ASDURF: variants seen among roughly 807,000 people sequenced by gnomAD.
ASDURF encodes the protein ASNSD1 upstream open reading frame.
A neutral mutation model predicts 3.3 loss-of-function variants in ASDURF; 3 were observed. That is an observed-to-expected ratio of 0.92 (90% CI 0.42 to 2.37). The LOEUF (loss-of-function observed/expected upper bound fraction) is 2.37. ASDURF is among the 30% of genes most tolerant of loss of function. The pLI, the probability that ASDURF is intolerant of heterozygous loss-of-function variation, is 0.05. For synonymous variants in ASDURF, 11 were observed against 8.3 expected, an observed-to-expected ratio of 1.32 and a Z score of -0.55; for missense variants, 23 against 25.4, an observed-to-expected ratio of 0.90 and a Z score of 0.21.
chr2:189,662,850 A>G (rs1369914022), intron 1 of ASDURF, among the ~76,000 whole-genome samples: 1 of 151,070 alleles, frequency 6.6e-6, no homozygotes, highest in African/African-American at 2.4e-5. Flanking sequence ...TCGGAGGCTA[A>G]GGTGTGAGAA....
intron 3 of ASDURF, among the ~76,000 whole-genome samples, 173 bp downstream of exon 3, chr2:189,665,624 A>G (rs759037407): frequency 0.026 from 3,130 of 121,724 alleles, 138 homozygotes; most frequent in Non-Finnish European, 0.041. Context: ...ATATATATAT[A>G]TATATATATA....
Position 189,661,533 on chromosome 2 carries a change from G to T in ASDURF, c.13G>T (p.Gly5Trp). The T allele has an allele frequency of 2.5e-6, 1 of 399,266 alleles. No homozygotes were observed. The highest frequency in any genetic ancestry group is 4.4e-6 in the Non-Finnish European group (1 of 226,246). The allele number at this position is 399,266 out of a possible 1,614,324, so 24.7% of individuals were successfully genotyped here. The part of the protein sequence containing the change: MPSR[G>W]TRPEDSSVLI... ...GCGCTCGGTGGAAATGCCCAGCCGA[G>T]GGACGCGACCAGAGGACAGCTCTGT... The change falls in exon 1 of 4, where the codon GGG becomes TGG. Residue 5 changes from glycine (G) to tryptophan (W), a missense_variant. Transcript: ENST00000607829.
Position 189,666,154 on chromosome 2 carries a change from G to A in ASDURF, c.*43G>A, listed in dbSNP as rs745531089. The A allele has an allele frequency of 6.3e-7, 1 of 1,582,500 alleles. No homozygotes were observed. The highest frequency in any genetic ancestry group is 8.6e-7 in the Non-Finnish European group (1 of 1,165,800). On this transcript the variant is annotated 3_prime_UTR_variant, in exon 4 of 4. Transcript: ENST00000607829. ...AACAATGTGTGGCATTTGTTGTTCT[G>A]TAAACTTTTCTGCTGAGCATTTCAG... is the stretch of plus-strand genomic sequence containing the variant.
intron 2 of ASDURF, 135 bp downstream of exon 2, chr2:189,664,089 T>C: frequency 3.0e-6 from 1 of 328,760 alleles, no homozygotes; most frequent in Non-Finnish European, 5.5e-6. Context: ...TCTTTTAAAA[T>C]TGCAAGTGTC....
intron 1 of ASDURF, among the ~76,000 whole-genome samples, chr2:189,662,166 A>G (rs945784108): frequency 1.3e-4 from 20 of 152,356 alleles, no homozygotes; most frequent in African/African-American, 3.8e-4. Context: ...TCCGTTAACC[A>G]GAGCAATGGT....
In ASDURF at chr2:189,666,338, G is replaced by A. The variant is rs779791970; in HGVS notation, c.*227G>A. ...ACTACCCAGCCTGTGGAAGATGAAAGAGGCAATGTGTTTCTATGGAATGGA... is the reference window on the plus strand; with the variant it reads ...ACTACCCAGCCTGTGGAAGATGAAAAAGGCAATGTGTTTCTATGGAATGGA... On this transcript the variant is annotated 3_prime_UTR_variant, in exon 4 of 4. Transcript: ENST00000607829. 8 of 1,613,694 alleles carry A rather than the reference G, an allele frequency of 5.0e-6. No individual in the cohort carries two copies. The highest frequency in any genetic ancestry group is 6.8e-6 in the Non-Finnish European group (8 of 1,179,828).
In ASDURF at chr2:189,666,306, T is replaced by A; in HGVS notation, c.*195T>A. On this transcript the variant is annotated 3_prime_UTR_variant, in exon 4 of 4. Transcript: ENST00000607829. ...CTGCTCACGTCCTACACTTGAGGGG[T>A]GTTTTGACTACCCAGCCTGTGGAAG... 6.2e-7 allele frequency: 1 copy of A among 1,613,786 alleles called. No homozygotes were observed. Among genetic ancestry groups the A allele is most frequent in the Non-Finnish European group, 8.5e-7 (1 of 1,179,874 alleles).
In ASDURF at chr2:189,666,364, G is replaced by A; in HGVS notation, c.*253G>A. 1.2e-6 allele frequency: 2 copies of A among 1,613,814 alleles called. No homozygotes were observed. The highest frequency in any genetic ancestry group is 2.2e-5 in the South Asian group (2 of 91,026). On this transcript the variant is annotated 3_prime_UTR_variant, in exon 4 of 4. Transcript: ENST00000607829. ...AGGCAATGTGTTTCTATGGAATGGAGAAATTTTTAGTGGAATAAAGGTTGA... is the reference window on the plus strand; with the variant it reads ...AGGCAATGTGTTTCTATGGAATGGAAAAATTTTTAGTGGAATAAAGGTTGA...
chr2:189,665,223 A>G (rs2032758324), intron 2 of ASDURF, 153 bp from the exon 3 acceptor site: 1 of 368,438 alleles, frequency 2.7e-6, no homozygotes, highest in Non-Finnish European at 4.8e-6. Flanking sequence ...GTAGTTGGGC[A>G]GTGGGTGACT....
At chr2:189,662,903 C>T (rs1324274578) in intron 1 of ASDURF, among the ~76,000 whole-genome samples, 2 of 145,206 alleles carry the variant, frequency 1.4e-5, no homozygotes, top group African/African-American at 5.1e-5. Context: ...GAGCCGTGAT[C>T]GCACCACTGC....
In ASDURF at chr2:189,661,576, A is replaced by T. The variant is rs2032665170; in HGVS notation, c.56A>T (p.Asn19Ile). 2.5e-6 allele frequency: 1 copy of T among 399,132 alleles called. No homozygotes were observed. The highest frequency in any genetic ancestry group is 2.1e-5 in the African/African-American group (1 of 48,630). The allele number at this position is 399,132 out of a possible 1,614,324, so 24.7% of individuals were successfully genotyped here. A position where few individuals can be genotyped will look rare whatever the true frequency, so the allele number is the denominator to read the frequency against. ...EDSSVLIPTD[N>I]STPHKEDLSS... Reference sequence around the variant, plus strand: ...AGCTCTGTGCTGATCCCCACCGACAATTCGACCCCACACAAGGAGGATCTA... The same window carrying T: ...AGCTCTGTGCTGATCCCCACCGACATTTCGACCCCACACAAGGAGGATCTA... Residue 19 changes from asparagine (N) to isoleucine (I), a missense_variant, in exon 1 of 4, where the codon AAT becomes ATT. Transcript: ENST00000607829.
Position 189,666,073 on chromosome 2 carries a change from G to C in ASDURF, c.253G>C (p.Glu85Gln). ...ILDELKKEYQ[E>Q]IENLDKTKIK... Reference sequence around the variant, plus strand: ...GGATGAACTGAAAAAAGAATACCAAGAAATAGAAAACTTAGACAAGACCAA... The same window carrying C: ...GGATGAACTGAAAAAAGAATACCAACAAATAGAAAACTTAGACAAGACCAA... Residue 85 changes from glutamate to glutamine, a missense_variant, in exon 4 of 4, where the codon GAA (glutamate) becomes CAA (glutamine). By Grantham distance (29) the Glu-to-Gln change is conservative (BLOSUM62 2). Coordinates refer to ENST00000607829, the MANE Select transcript of ASDURF (RefSeq NM_001353493.2). 1 of 1,459,314 alleles carries C rather than the reference G, an allele frequency of 6.9e-7. No individual in the cohort carries two copies. Among genetic ancestry groups the C allele is most frequent in the Admixed American group, 2.6e-5 (1 of 39,094 alleles). 90.4% of individuals were successfully genotyped at this position (1,459,314 alleles called of 1,614,324 possible).
chr2:189,665,594 A>G (rs1441224599), intron 3 of ASDURF, 143 bp downstream of exon 3: 482 of 20,424 alleles, frequency 0.024, 11 homozygotes, highest in African/African-American at 0.057. Flanking sequence ...TTATATATAT[A>G]TGTGTATATA....
intron 2 of ASDURF, among the ~76,000 whole-genome samples, 185 bp from the exon 3 acceptor site, chr2:189,665,186 GTTTCA>G (rs1371839191): frequency 6.6e-6 from 1 of 152,126 alleles, no homozygotes; most frequent in Non-Finnish European, 1.5e-5. Flanking sequence ...AGAGAAAATA[GTTTCA>G]TTTCAGTAGT....
chr2:189,663,838 G>C (rs2032727721), intron 1 of ASDURF, 63 bp from the exon 2 acceptor site: 1 of 370,350 alleles, frequency 2.7e-6, no homozygotes, highest in African/African-American at 2.1e-5. Context: ...AACCCCTTAA[G>C]GGATTTTCAT....
chr2:189,665,421 G>C lies in ASDURF; in HGVS notation c.190G>C (p.Asp64His). Reference protein sequence around the residue: ...QQNSNIFFLADRTEMLSESKN... With the variant: ...QQNSNIFFLAHRTEMLSESKN... ...GAACAGCAATATATTCTTTCTTGCA[G>C]ACCGAACAGAAATGCTGTCTGAGAG... Residue 64 changes from aspartate (D) to histidine (H), a missense_variant, in exon 3 of 4, where the codon GAC becomes CAC. Physicochemically the swap from Asp to His is moderately conservative, Grantham distance 81. Transcript: ENST00000607829. The C allele has an allele frequency of 5.0e-6, 2 of 397,660 alleles. No homozygotes were observed. The highest frequency in any genetic ancestry group is 4.4e-6 in the Non-Finnish European group (1 of 225,526). The allele number at this position is 397,660 out of a possible 1,614,324, so 24.6% of individuals were successfully genotyped here. A position where few individuals can be genotyped will look rare whatever the true frequency, so the allele number is the denominator to read the frequency against.
chr2:189,662,128 T>C (rs935624402), intron 1 of ASDURF, among the ~76,000 whole-genome samples: 2 of 152,220 alleles, frequency 1.3e-5, no homozygotes, highest in Non-Finnish European at 2.9e-5. Context: ...AAGCGGTCTC[T>C]CCTCATCCAC....
At chr2:189,665,596 GTGTATATATATATATATATATATA>G (rs777867433) in intron 3 of ASDURF, 145 bp downstream of exon 3, 5,064 of 111,596 alleles carry the variant, frequency 0.045, 325 homozygotes, top group Non-Finnish European at 0.059. Context: ...ATATATATAT[GTGTATATATATATATATATATATA>G]TATATATATA....
chr2:189,661,863 G>T (rs549015200), intron 1 of ASDURF, among the ~76,000 whole-genome samples: 5 of 152,264 alleles, frequency 3.3e-5, no homozygotes, highest in Non-Finnish European at 5.9e-5. Context: ...TTTTGGTTGG[G>T]TGTTTTCCTC....
Sources: gnomAD v4.1 joint callset for allele counts (sites outside exome capture counted in the v4.1 genomes callset) on GRCh38, gnomAD v4.1.1 for gene constraint, MANE v1.5 for transcripts, NCBI Gene and HGNC (gene_info 2026-07-23, HGNC 2026-07-21) for gene names.